SFSWAP: variants seen among roughly 807,000 people sequenced by gnomAD.
SFSWAP encodes splicing factor, suppressor of white-apricot homolog.
A neutral mutation model predicts 100.7 loss-of-function variants in SFSWAP; 17 were observed. The ratio of observed to expected loss-of-function variants is 0.17; its 90% CI spans 0.12 to 0.25. The LOEUF is 0.25. Among genes scored for constraint, SFSWAP ranks in the 10% least tolerant of loss-of-function variants. The pLI, the probability that SFSWAP is intolerant of heterozygous loss-of-function variation, is 1.00. For missense variants in SFSWAP, 1,005 were observed against 1,262.6 expected (o/e 0.80, Z 3.09); for synonymous variants, 504 against 510.1 (o/e 0.99, Z 0.16).
chr12:131,739,441 ATATT>A (rs1353134775), intron 7 of SFSWAP, among the ~76,000 whole-genome samples: 6 of 149,850 alleles, frequency 4.0e-5, no homozygotes, highest in East Asian at 3.9e-4. Flanking sequence ...TCAATATACT[ATATT>A]TATGACTTTG....
At chr12:131,728,599 T>C (rs996616172) in intron 7 of SFSWAP, among the ~76,000 whole-genome samples, 171 bp downstream of exon 7, 4 of 152,162 alleles carry the variant, frequency 2.6e-5, no homozygotes, top group Non-Finnish European at 4.4e-5. Context: ...TGCCCTTTGC[T>C]TGGCCCAGTG....
intron 7 of SFSWAP, among the ~76,000 whole-genome samples, chr12:131,739,644 C>T (rs1025036628): frequency 1.2e-4 from 17 of 139,490 alleles, no homozygotes; most frequent in African/African-American, 4.0e-4. Context: ...CTCCTGGGTT[C>T]ACGCCATTCT....
At chr12:131,741,703 A>C (rs2136209099) in intron 7 of SFSWAP, among the ~76,000 whole-genome samples, 1 of 151,164 alleles carries the variant, frequency 6.6e-6, no homozygotes, top group South Asian at 2.1e-4. Context: ...GAACAGGGAG[A>C]GCGCCTGCTG....
chr12:131,788,352 A>T (rs1055407169), intron 15 of SFSWAP, among the ~76,000 whole-genome samples: 1 of 152,210 alleles, frequency 6.6e-6, no homozygotes, highest in African/African-American at 2.4e-5. Context: ...TGCCGTGCCC[A>T]GACAGACGGA....
intron 15 of SFSWAP, among the ~76,000 whole-genome samples, chr12:131,795,824 G>A (rs887425777): frequency 4.6e-5 from 7 of 151,188 alleles, no homozygotes; most frequent in Non-Finnish European, 1.0e-4. Context: ...CCCCCTTCAG[G>A]TTGGCACATT....
chr12:131,728,459 T>C, intron 7 of SFSWAP, 31 bp downstream of exon 7: 1 of 1,600,440 alleles, frequency 6.2e-7, no homozygotes. Flanking sequence ...TCCTGACCTG[T>C]GTTCAGCTGC....
chr12:131,764,381 G>A, intron 11 of SFSWAP, 75 bp from the exon 12 acceptor site: 1 of 1,176,472 alleles, frequency 8.5e-7, no homozygotes, highest in African/African-American at 1.5e-5. Flanking sequence ...AGCAGCCGAT[G>A]CTCAGGTGGG....
At position 131,778,719 on chromosome 12, in the gene SFSWAP, T is replaced by C. The variant is rs911861795; in HGVS notation, c.2408+389T>C. Among the ~76,000 whole-genome samples the C allele has an allele frequency of 6.6e-6, 1 of 152,120 alleles. No individual in the cohort carries two copies. The highest frequency in any genetic ancestry group is 1.5e-5 in the Non-Finnish European group (1 of 68,026). On this transcript the variant is annotated intron_variant, in intron 14 of 17. Transcript: ENST00000261674. This position sits in a 1 kb window ranked among gnomAD's most constrained non-coding sequence, Gnocchi z 4.2. ...TTTTAGTAGAGACGGGGTTTCACCG[T>C]GTCGGCCAGGCTGGTCTTAAACTCC... is the stretch of plus-strand genomic sequence containing the variant.
At chr12:131,737,210 G>A (rs1364136708) in intron 7 of SFSWAP, among the ~76,000 whole-genome samples, 1 of 152,180 alleles carries the variant, frequency 6.6e-6, no homozygotes, top group African/African-American at 2.4e-5. Context: ...GGGTGGAGGC[G>A]AGGTGACTCA....
In SFSWAP at chr12:131,711,281, AAGG is replaced by A. The variant is rs759563306; in HGVS notation, c.59_61del (p.Glu20del). On this transcript the variant is annotated inframe_deletion, in exon 1 of 18. Coordinates refer to ENST00000261674, the MANE Select transcript of SFSWAP (RefSeq NM_004592.4). The surrounding 1 kb of genome is among the most constrained non-coding windows in gnomAD (Gnocchi z 4.9). The stretch of plus-strand genomic sequence containing the variant: ...CAAACCCGAGAGGAAAAGCGGCGCG[AAGG>A]AGGAGGCCGGGCCAGGCGGTGCCGG... The A allele has an allele frequency of 2.5e-6, 4 of 1,612,524 alleles. No homozygotes were observed. Among genetic ancestry groups the A allele is most frequent in the African/African-American group, 1.3e-5 (1 of 75,042 alleles).
At position 131,799,576 on chromosome 12, in the gene SFSWAP, C is replaced by T; in HGVS notation, c.*88C>T. ...GCCGGCCACACCATCCACCTGGCCG[C>T]CTCCATGGACCCTTGGTGGCTTTTG... On this transcript the variant is annotated 3_prime_UTR_variant, in exon 18 of 18. Transcript: ENST00000261674. 2 of 1,004,966 alleles carry T rather than the reference C, an allele frequency of 2.0e-6. No individual in the cohort carries two copies. Among genetic ancestry groups the T allele is most frequent in the Non-Finnish European group, 3.0e-6 (2 of 666,890 alleles). The allele number at this position is 1,004,966 out of a possible 1,614,324, so 62.3% of individuals were successfully genotyped here.
intron 13 of SFSWAP, among the ~76,000 whole-genome samples, chr12:131,775,266 A>C (rs1883922755): frequency 6.6e-6 from 1 of 152,134 alleles, no homozygotes. Flanking sequence ...TCGAGGGTGG[A>C]GTATGTGTCT....
intron 7 of SFSWAP, among the ~76,000 whole-genome samples, chr12:131,745,977 A>C (rs2136214411): frequency 6.6e-6 from 1 of 152,354 alleles, no homozygotes; most frequent in Non-Finnish European, 1.5e-5. Flanking sequence ...GCTTCCTCCT[A>C]GAATCCAGCT....
chr12:131,795,539 C>G (rs534758915), intron 15 of SFSWAP, among the ~76,000 whole-genome samples: 16 of 152,264 alleles, frequency 1.1e-4, no homozygotes, highest in Admixed American at 6.5e-4. Flanking sequence ...GGGTCTGCAC[C>G]CCAGACTCTG....
At position 131,794,084 on chromosome 12, in the gene SFSWAP, C is replaced by T. The variant is rs1008834979; in HGVS notation, c.2535-3094C>T. ...CCAAAAACACTTTGATTCATAATTACCGAAAACTGGAAACAACCAAATCTC... is the reference window on the plus strand; with the variant it reads ...CCAAAAACACTTTGATTCATAATTATCGAAAACTGGAAACAACCAAATCTC... On this transcript the variant is annotated intron_variant, in intron 15 of 17. Coordinates refer to ENST00000261674, the MANE Select transcript of SFSWAP (RefSeq NM_004592.4). The surrounding 1 kb of genome is among the most constrained non-coding windows in gnomAD (Gnocchi z 4.8). 2.6e-5 allele frequency among the ~76,000 whole-genome samples: 4 copies of T among 152,178 alleles called. No homozygotes were observed. The highest frequency in any genetic ancestry group is 4.4e-5 in the Non-Finnish European group (3 of 68,040).
At chr12:131,784,973 C>T (rs924981990) in intron 14 of SFSWAP, 99 of 924,748 alleles carry the variant, frequency 1.1e-4, no homozygotes, top group Non-Finnish European at 1.3e-4. Context: ...ATTCCCCAGC[C>T]GCTATAGCTT....
Position 131,756,590 on chromosome 12 carries a change from G to C in SFSWAP, c.1666G>C (p.Gly556Arg). The part of the protein sequence containing the change: ...AEVGARAGSG[G>R]KKEASSSKTV... The stretch of plus-strand genomic sequence containing the variant: ...GGTGGGAGCACGGGCAGGCTCAGGC[G>C]GGAAGAAGGAGGCATCGTCCAGTAA... Residue 556 changes from glycine to arginine, a missense_variant, in exon 11 of 18, where the codon GGG becomes CGG. By Grantham distance (125) the Gly-to-Arg change is moderately radical. This residue lies in a region of SFSWAP where 311 missense variants were observed against 317.8 expected (regional missense o/e 0.98). Coordinates refer to ENST00000261674, the MANE Select transcript of SFSWAP (RefSeq NM_004592.4). 1 of 1,612,740 alleles carries C rather than the reference G, an allele frequency of 6.2e-7. No homozygotes were observed. The highest frequency in any genetic ancestry group is 8.5e-7 in the Non-Finnish European group (1 of 1,179,562).
At chr12:131,797,752 G>T (rs1190595801) in intron 16 of SFSWAP, among the ~76,000 whole-genome samples, 4 of 152,230 alleles carry the variant, frequency 2.6e-5, no homozygotes, top group African/African-American at 9.6e-5. Context: ...CAACGGCCAG[G>T]GCCAAATGAC....
At chr12:131,768,055 A>G (rs1044216862) in intron 13 of SFSWAP, among the ~76,000 whole-genome samples, 6 of 152,228 alleles carry the variant, frequency 3.9e-5, no homozygotes, top group African/African-American at 1.4e-4. Context: ...TCGCTCATCT[A>G]TATGTGCGCA....
Sources: gnomAD v4.1 joint callset for allele counts (sites outside exome capture counted in the v4.1 genomes callset) on GRCh38, gnomAD v4.1.1 for gene constraint, gnomAD v4.1.1 regional missense constraint, Gnocchi (gnomAD v3.1) non-coding constraint, MANE v1.5 for transcripts, NCBI Gene and HGNC (gene_info 2026-07-23, HGNC 2026-07-21) for gene names.